The following ZBED6 variants were observed in gnomAD, a reference collection of about 807,000 sequenced individuals.
ZBED6 encodes the protein zinc finger BED-type containing 6, also known as zinc finger BED domain-containing protein 6.
In ZBED6, 40 loss-of-function variants were observed where a neutral mutation model predicts 58.4. The observed-to-expected ratio is 0.68, with a 90% CI of 0.53 to 0.89. ZBED6 has a LOEUF of 0.89. Ranked by LOEUF, ZBED6 falls within the 40% of genes least tolerant of loss-of-function variation. The pLI, the probability that ZBED6 is intolerant of heterozygous loss-of-function variation, is 0.00. For missense variants in ZBED6, 1,057 were observed against 1,003.9 expected, an observed-to-expected ratio of 1.05 and a Z score of -0.71; for synonymous variants, 439 against 350.6, an observed-to-expected ratio of 1.25 and a Z score of -2.82.
At chr1:203,817,266 A>T (rs1195222142) in intron 2 of ZBED6, 142 bp downstream of exon 2, 10 of 605,348 alleles carry the variant, frequency 1.7e-5, no homozygotes, top group Non-Finnish European at 1.9e-5. Context: ...TTTTTAAAGG[A>T]TAATGTATTT....
At chr1:203,815,672 C>G (rs1022212838) in intron 1 of ZBED6, among the ~76,000 whole-genome samples, 3 of 152,146 alleles carry the variant, frequency 2.0e-5, no homozygotes, top group South Asian at 2.1e-4. Flanking sequence ...TGTTCAGTGT[C>G]AGACTCTTAA....
At chr1:203,835,701 C>T (rs981626225) in intron 9 of ZBED6, 8 of 253,752 alleles carry the variant, frequency 3.2e-5, no homozygotes, top group Non-Finnish European at 5.9e-5. Flanking sequence ...TACCTTTCCC[C>T]AGATGACTCT....
chr1:203,813,020 AGTT>A (rs1206900312), intron 1 of ZBED6, among the ~76,000 whole-genome samples: 11 of 151,662 alleles, frequency 7.3e-5, no homozygotes, highest in Non-Finnish European at 1.2e-4. Flanking sequence ...TGAATTGGGG[AGTT>A]GTTTTCTTAT....
rs199629782 is a variant in ZBED6 at position 203,808,840 on chromosome 1, ATTTTC to A, written c.*2554+5827_*2554+5831del. On this transcript the variant is annotated intron_variant, in intron 1 of 16. Transcript: ENST00000550078. ...ATTATTATCATTATTTTATATATTT[ATTTTC>A]TTGAGAAGGCGTTTTTCTGTTGTTG... is the stretch of plus-strand genomic sequence containing the variant. Among the ~76,000 whole-genome samples, 199 of 151,512 alleles carry A rather than the reference ATTTTC, an allele frequency of 1.3e-3. 4 individuals carry two copies. In the East Asian group the frequency reaches 0.036, roughly 27 times the overall value.
Position 203,829,773 on chromosome 1 carries a change from T to C in ZBED6, c.*3202-7T>C, listed in dbSNP as rs745347199. ...ATTGTGAATTTGCCTTAAATGTTGA[T>C]ATATAGATCAGTTTTCTGAGGAAGG... On this transcript the variant is annotated splice_region_variant and splice_polypyrimidine_tract_variant and intron_variant, in intron 5 of 16. Transcript: ENST00000550078. 1.2e-6 allele frequency: 2 copies of C among 1,613,876 alleles called. No individual in the cohort carries two copies. Among genetic ancestry groups the C allele is most frequent in the South Asian group, 1.1e-5 (1 of 91,080 alleles).
chr1:203,805,957 G>A (rs951369566), intron 1 of ZBED6: 30 of 617,756 alleles, frequency 4.9e-5, no homozygotes, highest in East Asian at 7.8e-5. Flanking sequence ...AGCATCAACC[G>A]TGGTCTTGGT....
exon 1 of ZBED6, chr1:203,799,024 A>C: frequency 6.5e-7 from 1 of 1,536,156 alleles, no homozygotes; most frequent in Non-Finnish European, 8.7e-7. Context: ...GTGACTGTAC[A>C]CTGGGTTTCT....
chr1:203,807,291 A>G (rs959144941), intron 1 of ZBED6, among the ~76,000 whole-genome samples: 2 of 152,032 alleles, frequency 1.3e-5, no homozygotes, highest in African/African-American at 4.8e-5. Flanking sequence ...TAAAATTTTT[A>G]TTTATTTATT....
chr1:203,832,597 A>G (rs1682760997), intron 8 of ZBED6, among the ~76,000 whole-genome samples: 1 of 151,810 alleles, frequency 6.6e-6, no homozygotes, highest in South Asian at 2.1e-4. Context: ...CTGGCCTCAA[A>G]TCATCTGCCT....
At chr1:203,825,428 A>ATT (rs59157538) in intron 3 of ZBED6, among the ~76,000 whole-genome samples, 92 of 81,628 alleles carry the variant, frequency 1.1e-3, no homozygotes, top group Middle Eastern at 6.9e-3. Flanking sequence ...ACTGTGGAGG[A>ATT]TTTTTTTTTT....
At chr1:203,851,195 A>T in intron 16 of ZBED6, 71 bp downstream of exon 16, 1 of 1,338,290 alleles carries the variant, frequency 7.5e-7, no homozygotes, top group South Asian at 1.3e-5. Context: ...AGAGAATAAC[A>T]CTGATAAATA....
At chr1:203,818,884 G>A (rs981865433) in intron 3 of ZBED6, among the ~76,000 whole-genome samples, 195 bp downstream of exon 3, 4 of 151,812 alleles carry the variant, frequency 2.6e-5, no homozygotes, top group African/African-American at 9.7e-5. Flanking sequence ...CCTAGCCAAC[G>A]TGGTGAAACC....
exon 1 of ZBED6, chr1:203,797,848 A>T (rs1669135248): frequency 6.5e-7 from 1 of 1,536,148 alleles, no homozygotes; most frequent in Non-Finnish European, 8.7e-7. Flanking sequence ...GACCCTGAGC[A>T]GGATGAAGAA....
In ZBED6 at chr1:203,802,651, G is replaced by A. The variant is rs556942185; in HGVS notation, c.*2189G>A. The stretch of plus-strand genomic sequence containing the variant: ...TTTTTTTTTTAAATTATATTGTTCA[G>A]CTATGGAAGATGGAGTTTTTTTTCA... On this transcript the variant is annotated 3_prime_UTR_variant, in exon 1 of 17. Coordinates refer to ENST00000550078, the Ensembl canonical transcript of ZBED6. The A allele has an allele frequency of 2.0e-5, 3 of 150,922 alleles. No homozygotes were observed. In the East Asian group the frequency reaches 5.8e-4, roughly 29 times the overall value. 9.3% of individuals were successfully genotyped at this position (150,922 alleles called of 1,614,324 possible).
At chr1:203,853,990 T>A (rs559825516) in exon 17 of ZBED6, 1 of 152,816 alleles carries the variant, frequency 6.5e-6, no homozygotes, top group East Asian at 1.9e-4. Flanking sequence ...TTTGCTTTTT[T>A]AAAAAATAAT....
chr1:203,801,812 T>C, exon 1 of ZBED6: 1 of 55,586 alleles, frequency 1.8e-5, no homozygotes, highest in South Asian at 9.5e-4. Flanking sequence ...TTTTTTTTGG[T>C]TTTGATTTTT....
chr1:203,815,209 T>TTCTTG (rs1675865447), intron 1 of ZBED6, among the ~76,000 whole-genome samples: 1 of 59,770 alleles, frequency 1.7e-5, no homozygotes, highest in Non-Finnish European at 3.2e-5. Context: ...TTTCTTCCTT[T>TTCTTG]TCTTTTCTTT....
chr1:203,813,932 G>C (rs1170309855), intron 1 of ZBED6, among the ~76,000 whole-genome samples: 1 of 150,452 alleles, frequency 6.6e-6, no homozygotes, highest in African/African-American at 2.4e-5. Context: ...ACAAACTGTT[G>C]CCCACCCATA....
At chr1:203,815,266 G>A (rs1161592586) in intron 1 of ZBED6, among the ~76,000 whole-genome samples, 2 of 120,784 alleles carry the variant, frequency 1.7e-5, no homozygotes, top group Admixed American at 1.2e-4. Context: ...CCAAGCTGGA[G>A]TGCAGTGGCG....
Sources: allele counts gnomAD v4.1 joint callset (sites outside exome capture counted in the v4.1 genomes callset), GRCh38; gene constraint gnomAD v4.1.1; transcripts MANE v1.5; gene names NCBI Gene and HGNC (gene_info 2026-07-23, HGNC 2026-07-21).